PLAC1: variants seen among roughly 807,000 people sequenced by gnomAD.
PLAC1 encodes the protein placenta-specific protein 1.
For synonymous variants in PLAC1, 68 were observed against 62.1 expected, an observed-to-expected ratio of 1.09 and a Z score of -0.44; for missense variants, 136 against 163.2, an observed-to-expected ratio of 0.83 and a Z score of 0.91.
intron 2 of PLAC1, among the ~76,000 whole-genome samples, chrX:134,705,153 G>A (rs984226202): frequency 2.8e-4 from 30 of 105,860 alleles, no homozygotes; most frequent in African/African-American, 9.7e-4. Context: ...AGGCACGGTG[G>A]CTCACGCCTG....
At chrX:134,633,910 G>C (rs748828738) in intron 1 of PLAC1, among the ~76,000 whole-genome samples, 11 of 111,800 alleles carry the variant, frequency 9.8e-5, no homozygotes, top group African/African-American at 3.6e-4. Context: ...CAAGGCAGGG[G>C]AAAGGGAAGT....
intron 1 of PLAC1, among the ~76,000 whole-genome samples, chrX:134,624,479 T>C (rs2078225754): frequency 8.9e-6 from 1 of 112,514 alleles, no homozygotes; most frequent in Admixed American, 9.4e-5. Context: ...AAAGAAAAGA[T>C]ACCTCTCAAA....
In PLAC1 at chrX:134,657,638, A is replaced by C. The variant is rs1349502671; in HGVS notation, c.-131+690T>G. ...TATAAATGAGAATGTCCACCCTGAGAGTAACATTGTGCTACCAGTGGTGGT... is the reference window on the plus strand; with the variant it reads ...TATAAATGAGAATGTCCACCCTGAGCGTAACATTGTGCTACCAGTGGTGGT... On this transcript the variant is annotated intron_variant, in intron 1 of 2. Transcript: ENST00000359237. 4.5e-5 allele frequency among the ~76,000 whole-genome samples: 5 copies of C among 111,229 alleles called. No individual in the cohort carries two copies. In the South Asian group the frequency reaches 2.0e-3, roughly 44 times the overall value.
intron 1 of PLAC1, among the ~76,000 whole-genome samples, chrX:134,627,486 T>G (rs1464492787): frequency 8.9e-6 from 1 of 112,388 alleles, no homozygotes; most frequent in Non-Finnish European, 1.9e-5. Context: ...TATACGTATA[T>G]CCAGCATGCT....
upstream of PLAC1, among the ~76,000 whole-genome samples, chrX:134,662,791 T>G (rs1160624492): frequency 9.0e-6 from 1 of 111,183 alleles, no homozygotes; most frequent in Non-Finnish European, 1.9e-5. Flanking sequence ...TATCCAGGCA[T>G]AGTGGTGCAC....
At chrX:134,669,002 G>A (rs1267039191) in intron 2 of PLAC1, among the ~76,000 whole-genome samples, 1 of 112,671 alleles carries the variant, frequency 8.9e-6, no homozygotes, top group Non-Finnish European at 1.9e-5. Flanking sequence ...GCCTCCCAAC[G>A]TGGGGCCTTC....
chrX:134,569,774 G>T (rs914482371), intron 2 of PLAC1, among the ~76,000 whole-genome samples: 7 of 105,076 alleles, frequency 6.7e-5, no homozygotes, highest in African/African-American at 2.5e-4. Flanking sequence ...GTGTGTGTGT[G>T]TGTGTGTGTG....
chrX:134,720,426 C>T (rs951344096), intron 2 of PLAC1, among the ~76,000 whole-genome samples: 9 of 109,075 alleles, frequency 8.3e-5, no homozygotes, highest in Non-Finnish European at 1.1e-4. Context: ...AATTGTTCTA[C>T]GGATTCAGTG....
At chrX:134,682,102 A>G (rs1285856289) in intron 2 of PLAC1, among the ~76,000 whole-genome samples, 1 of 112,305 alleles carries the variant, frequency 8.9e-6, no homozygotes, top group African/African-American at 3.2e-5. Context: ...CCAAGAAATC[A>G]AACTAACGTA....
At chrX:134,614,584 C>G (rs2078169988) in intron 1 of PLAC1, among the ~76,000 whole-genome samples, 2 of 106,321 alleles carry the variant, frequency 1.9e-5, no homozygotes, top group African/African-American at 7.6e-5. Flanking sequence ...GAATAGTATT[C>G]TGTATATATG....
intron 1 of PLAC1, chrX:134,607,626 G>A (rs1358813610): frequency 1.5e-5 from 2 of 131,077 alleles, no homozygotes; most frequent in Non-Finnish European, 1.6e-5. Flanking sequence ...ATGAATTCAT[G>A]GCATAATAGG....
chrX:134,716,455 A>G (rs887919246), intron 2 of PLAC1, among the ~76,000 whole-genome samples: 2 of 112,937 alleles, frequency 1.8e-5, no homozygotes, highest in African/African-American at 6.4e-5. Context: ...AGCCTATGCT[A>G]AGCATACAGA....
chrX:134,569,777 TGTGTGTGTGTTTG>T (rs1569373074), intron 2 of PLAC1, among the ~76,000 whole-genome samples: 41 of 104,063 alleles, frequency 3.9e-4, no homozygotes, highest in African/African-American at 1.3e-3. Flanking sequence ...TGTGTGTGTG[TGTGTGTGTGTTTG>T]TGTGTGTGTG....
At chrX:134,744,597 A>G (rs765376613) in intron 1 of PLAC1, among the ~76,000 whole-genome samples, 1 of 111,901 alleles carries the variant, frequency 8.9e-6, no homozygotes, top group South Asian at 3.8e-4. Flanking sequence ...GCAAGGGCTC[A>G]GTATATTGTT....
intron 2 of PLAC1, among the ~76,000 whole-genome samples, chrX:134,697,864 T>C (rs1301291936): frequency 9.0e-6 from 1 of 110,973 alleles, no homozygotes; most frequent in Non-Finnish European, 1.9e-5. Context: ...TGAGACTCTA[T>C]CTAAAAAAAG....
chrX:134,626,842 CA>C (rs1386780765), intron 1 of PLAC1, among the ~76,000 whole-genome samples: 1 of 112,150 alleles, frequency 8.9e-6, no homozygotes, highest in African/African-American at 3.2e-5. Context: ...CAACTACAAA[CA>C]AAATCAAGTT....
intron 1 of PLAC1, among the ~76,000 whole-genome samples, chrX:134,614,040 C>T (rs940917528): frequency 6.3e-5 from 7 of 110,287 alleles, no homozygotes; most frequent in Non-Finnish European, 1.1e-4. Context: ...AGCCTCTATG[C>T]TCCTGCTTAT....
At chrX:134,598,379 T>C (rs2078071963) in intron 2 of PLAC1, among the ~76,000 whole-genome samples, 1 of 112,110 alleles carries the variant, frequency 8.9e-6, no homozygotes, top group African/African-American at 3.2e-5. Context: ...TGCCCAGAAC[T>C]GCACTGGGTG....
At chrX:134,595,186 A>T (rs1484656654) in intron 2 of PLAC1, among the ~76,000 whole-genome samples, 1 of 110,852 alleles carries the variant, frequency 9.0e-6, no homozygotes, top group Non-Finnish European at 1.9e-5. Context: ...TCTGTCTGTT[A>T]TTAATTTCTA....
Sources: gnomAD v4.1 joint callset for allele counts (sites outside exome capture counted in the v4.1 genomes callset) on GRCh38, gnomAD v4.1.1 for gene constraint, MANE v1.5 for transcripts, NCBI Gene and HGNC (gene_info 2026-07-23, HGNC 2026-07-21) for gene names.